Variants in FKBP1B observed in about 807,000 individuals in gnomAD.
FKBP1B encodes the protein FKBP prolyl isomerase 1B.
FKBP1B carries 4 observed loss-of-function variants against 13.5 expected under a neutral mutation model. The ratio of observed to expected loss-of-function variants is 0.30; its 90% CI spans 0.15 to 0.68. The LOEUF is 0.68. Ranked by LOEUF, FKBP1B falls within the 30% of genes least tolerant of loss-of-function variation. The pLI is 0.76. For synonymous variants in FKBP1B, 54 were observed against 53.6 expected (o/e 1.01, Z -0.03); for missense variants, 93 against 136.2 (o/e 0.68, Z 1.58).
chr2:24,048,449 G>A (rs1489225457), upstream of FKBP1B, among the ~76,000 whole-genome samples: 1 of 141,448 alleles, frequency 7.1e-6, no homozygotes, highest in Non-Finnish European at 1.5e-5. Context: ...CCATCCTGGC[G>A]ACAGAGTGAA....
chr2:24,054,738 T>G (rs1156442302), intron 2 of FKBP1B: 1 of 152,570 alleles, frequency 6.6e-6, no homozygotes, highest in African/African-American at 2.4e-5. Context: ...TGCTGGTCGC[T>G]GATGTCAGTG....
At chr2:24,039,442 T>C in the FKBP1B span, 1 of 1,614,132 alleles carries the variant, frequency 6.2e-7, no homozygotes, top group Admixed American at 1.7e-5. Flanking sequence ...ATGCACTGCT[T>C]GATGCAACGC....
chr2:24,040,300 T>C, the FKBP1B span, among the ~76,000 whole-genome samples: 4 of 152,340 alleles, frequency 2.6e-5, no homozygotes, highest in East Asian at 5.8e-4. Context: ...ATGTTAATAA[T>C]TGTAGAGTCT....
the FKBP1B span, chr2:24,038,732 C>T: frequency 6.2e-7 from 1 of 1,614,138 alleles, no homozygotes; most frequent in Admixed American, 1.7e-5. Context: ...CGTACTTCAC[C>T]AATAACTGGT....
upstream of FKBP1B, among the ~76,000 whole-genome samples, chr2:24,046,572 A>G (rs537509536): frequency 2.0e-5 from 3 of 152,202 alleles, no homozygotes; most frequent in Non-Finnish European, 4.4e-5. Flanking sequence ...AAGACAACTC[A>G]TGACGAGAAT....
chr2:24,048,489 A>G (rs1425480982), upstream of FKBP1B, among the ~76,000 whole-genome samples: 1 of 150,120 alleles, frequency 6.7e-6, no homozygotes, highest in African/African-American at 2.5e-5. Context: ...AAAAAAAAAA[A>G]AGGAGAGAGA....
intron 3 of FKBP1B, among the ~76,000 whole-genome samples, chr2:24,062,645 A>G (rs1226745861): frequency 6.6e-6 from 1 of 151,986 alleles, no homozygotes; most frequent in Non-Finnish European, 1.5e-5. Flanking sequence ...CTTGCTGGTG[A>G]CTCTAGTCTC....
chr2:24,047,241 C>G (rs74331966), upstream of FKBP1B: 350 of 152,530 alleles, frequency 2.3e-3, 3 homozygotes, highest in Non-Finnish European at 3.7e-3. Flanking sequence ...CACCAAGAGC[C>G]GATCCACTTC....
At chr2:24,042,410 C>G in the FKBP1B span, among the ~76,000 whole-genome samples, 1 of 152,114 alleles carries the variant, frequency 6.6e-6, no homozygotes, top group East Asian at 1.9e-4. Flanking sequence ...TTGGCGGGCG[C>G]CTGTAGTCCC....
intron 2 of FKBP1B, among the ~76,000 whole-genome samples, chr2:24,056,958 T>C (rs902676412): frequency 6.6e-6 from 1 of 152,280 alleles, no homozygotes; most frequent in Middle Eastern, 3.4e-3. Context: ...CCCAGAGTAC[T>C]GGGATTACAG....
the FKBP1B span, among the ~76,000 whole-genome samples, chr2:24,042,074 G>A: frequency 6.6e-6 from 1 of 152,014 alleles, no homozygotes; most frequent in Admixed American, 6.6e-5. Context: ...AGAATAAAAT[G>A]TTGCAATAAT....
the FKBP1B span, chr2:24,038,784 A>G: frequency 6.2e-7 from 1 of 1,614,202 alleles, no homozygotes; most frequent in Non-Finnish European, 8.5e-7. Flanking sequence ...GTGGGATATT[A>G]AAGGTTTCAG....
chr2:24,062,301 T>A (rs1032117466), intron 3 of FKBP1B, among the ~76,000 whole-genome samples: 3 of 152,080 alleles, frequency 2.0e-5, no homozygotes, highest in Non-Finnish European at 4.4e-5. Context: ...GCCTCCCGAG[T>A]AGCTGAGATT....
At position 24,053,325 on chromosome 2, in the gene FKBP1B, C is replaced by T. The variant is rs1289451552; in HGVS notation, c.38-577C>T. On this transcript the variant is annotated intron_variant, in intron 1 of 3. Transcript: ENST00000380986. ...TTTTTTTTTTTTAGAGATGGGGTCT[C>T]CCTATGTTACCCAGGGTGATCTAGA... 2.7e-5 allele frequency among the ~76,000 whole-genome samples: 4 copies of T among 145,878 alleles called. No individual in the cohort carries two copies. In the South Asian group the frequency reaches 8.7e-4, roughly 32 times the overall value.
At chr2:24,043,328 T>C in the FKBP1B span, among the ~76,000 whole-genome samples, 26,229 of 151,878 alleles carry the variant, frequency 0.17, 3,150 homozygotes, top group African/African-American at 0.34. Context: ...AGAGTGAGAC[T>C]CGGTCTCAAA....
At chr2:24,049,505 G>T, upstream of FKBP1B, 1 of 255,696 alleles carries the variant, frequency 3.9e-6, no homozygotes, top group Non-Finnish European at 7.4e-6. Context: ...AATGTCTATT[G>T]GACGGATGCG....
the FKBP1B span, chr2:24,037,644 T>C: frequency 1.3e-6 from 2 of 1,561,190 alleles, no homozygotes; most frequent in Non-Finnish European, 1.7e-6. Flanking sequence ...GGAGCTTTTA[T>C]GTATAGTGGT....
chr2:24,036,704 CTAAA>C, the FKBP1B span, among the ~76,000 whole-genome samples: 1 of 152,294 alleles, frequency 6.6e-6, no homozygotes, highest in East Asian at 1.9e-4. Flanking sequence ...AAGGGAATGG[CTAAA>C]TAAAGAGCAT....
At chr2:24,039,389 G>C in the FKBP1B span, 38 of 1,614,128 alleles carry the variant, frequency 2.4e-5, no homozygotes, top group Non-Finnish European at 3.1e-5. Context: ...AAATCAGTTA[G>C]GACAACTTGA....
Sources: gnomAD v4.1 joint callset for allele counts (sites outside exome capture counted in the v4.1 genomes callset) on GRCh38, gnomAD v4.1.1 for gene constraint, MANE v1.5 for transcripts, NCBI Gene and HGNC (gene_info 2026-07-23, HGNC 2026-07-21) for gene names.